Variants in BCAS3 observed in about 807,000 individuals in gnomAD.
BCAS3 encodes the protein BCAS3 microtubule associated cell migration factor, also known as BCAS4/BCAS3 fusion.
BCAS3 carries 53 observed loss-of-function variants against 116.1 expected under a neutral mutation model. That is an observed-to-expected ratio of 0.46 (90% CI 0.37 to 0.57). BCAS3 has a LOEUF of 0.57. BCAS3 is among the 20% of genes least tolerant of loss of function. The probability of loss-of-function intolerance (pLI) is 0.00; values close to 1 mark genes in which losing one functional copy is unlikely to be tolerated. For synonymous variants in BCAS3, 391 were observed against 408.2 expected (o/e 0.96, Z 0.51); for missense variants, 917 against 1,165.4 (o/e 0.79, Z 3.10).
intron 11 of BCAS3, among the ~76,000 whole-genome samples, chr17:60,903,876 G>A (rs1456520216): frequency 1.3e-5 from 2 of 152,120 alleles, no homozygotes; most frequent in Non-Finnish European, 2.9e-5. Context: ...AAAATACAAC[G>A]AGATCTTTTT....
intron 22 of BCAS3, among the ~76,000 whole-genome samples, chr17:61,191,518 G>A (rs1202143252): frequency 1.3e-5 from 2 of 152,200 alleles, no homozygotes; most frequent in African/African-American, 4.8e-5. Flanking sequence ...GCTCACGCCT[G>A]TAATCCCAGT....
At chr17:61,384,188 G>A (rs370615222) in intron 23 of BCAS3, among the ~76,000 whole-genome samples, 1 of 152,204 alleles carries the variant, frequency 6.6e-6, no homozygotes, top group East Asian at 1.9e-4. Context: ...CATGCCCCTC[G>A]GCACTGAGTC....
At chr17:61,022,400 C>G (rs919757455) in intron 16 of BCAS3, among the ~76,000 whole-genome samples, 1 of 152,152 alleles carries the variant, frequency 6.6e-6, no homozygotes, top group South Asian at 2.1e-4. Context: ...CCCGCCACCA[C>G]GCTTGGCTAA....
chr17:61,125,728 A>C (rs1289351770), intron 22 of BCAS3, among the ~76,000 whole-genome samples: 1 of 152,138 alleles, frequency 6.6e-6, no homozygotes, highest in African/African-American at 2.4e-5. Context: ...CAGATGTGGA[A>C]ATCTCTTAAT....
In BCAS3 at chr17:61,134,464, C is replaced by T. The variant is rs2076511913; in HGVS notation, c.2425+49900C>T. 2.6e-5 allele frequency among the ~76,000 whole-genome samples: 4 copies of T among 152,172 alleles called. No individual in the cohort carries two copies. ...CAGAGCCCTCGCTTTTTACACCAGC[C>T]TCTACTATCTCCCTGTGTGACTCTG... On this transcript the variant is annotated intron_variant, in intron 22 of 23. Transcript: ENST00000407086. This position sits in a 1 kb window ranked among gnomAD's most constrained non-coding sequence, Gnocchi z 4.6.
At chr17:60,689,797 ATTGT>A (rs763995597) in intron 4 of BCAS3, 36 bp downstream of exon 4, 13 of 1,448,192 alleles carry the variant, frequency 9.0e-6, no homozygotes, top group African/African-American at 8.4e-5. Flanking sequence ...GTGTGAATTA[ATTGT>A]TTGTTTGGAG....
Position 61,220,930 on chromosome 17 carries a change from C to A in BCAS3, c.2425+136366C>A, listed in dbSNP as rs560905875. ...CCTGGCCAACACGGTGAAACCCCAT[C>A]TCTACTAAAAATACAAAAAATTAGC... On this transcript the variant is annotated intron_variant, in intron 22 of 23. Transcript: ENST00000407086. This position sits in a 1 kb window ranked among gnomAD's most constrained non-coding sequence, Gnocchi z 4.5. Among the ~76,000 whole-genome samples the A allele has an allele frequency of 8.5e-5, 13 of 152,268 alleles. No homozygotes were observed. Among genetic ancestry groups the A allele is most frequent in the Admixed American group, 2.6e-4 (4 of 15,298 alleles).
intron 10 of BCAS3, among the ~76,000 whole-genome samples, chr17:60,893,875 C>A (rs1787473263): frequency 6.6e-6 from 1 of 151,992 alleles, no homozygotes; most frequent in African/African-American, 2.4e-5. Flanking sequence ...TCCCAAAGTG[C>A]TGGGATTGCA....
chr17:61,142,805 T>C (rs993495760), intron 22 of BCAS3, among the ~76,000 whole-genome samples: 9 of 152,178 alleles, frequency 5.9e-5, no homozygotes, highest in African/African-American at 1.9e-4. Flanking sequence ...GGTTGTATGA[T>C]GGATGCATGG....
chr17:61,373,804 CTTTGTTTTTT>C (rs1256559144), intron 23 of BCAS3, among the ~76,000 whole-genome samples: 1 of 76,084 alleles, frequency 1.3e-5, no homozygotes, highest in Non-Finnish European at 2.7e-5. Flanking sequence ...TCTTCTTCTT[CTTTGTTTTTT>C]TTTTTTTTTT....
intron 14 of BCAS3, among the ~76,000 whole-genome samples, chr17:60,969,552 G>A (rs2061841198): frequency 6.6e-6 from 1 of 152,080 alleles, no homozygotes; most frequent in African/African-American, 2.4e-5. Flanking sequence ...GCAACTTGTG[G>A]GACAATATCA....
intron 22 of BCAS3, among the ~76,000 whole-genome samples, chr17:61,154,614 T>C (rs1363671736): frequency 6.6e-6 from 1 of 152,024 alleles, no homozygotes; most frequent in Non-Finnish European, 1.5e-5. Context: ...TTTTTACTTT[T>C]TATTTTTTTC....
At position 61,315,822 on chromosome 17, in the gene BCAS3, C is replaced by T. The variant is rs2054686708; in HGVS notation, c.2426-52505C>T. ...ATGCCGCTGCGTCCCCTCCACGGCT[C>T]CCCTGCAGTAGCACACCTCTGCACA... On this transcript the variant is annotated intron_variant, in intron 22 of 23. Transcript: ENST00000407086. The surrounding 1 kb of genome is among the most constrained non-coding windows in gnomAD (Gnocchi z 5.3). Among the ~76,000 whole-genome samples the T allele has an allele frequency of 6.6e-6, 1 of 152,128 alleles. No homozygotes were observed. The highest frequency in any genetic ancestry group is 2.1e-4 in the South Asian group (1 of 4,828).
intron 22 of BCAS3, among the ~76,000 whole-genome samples, chr17:61,292,139 T>C (rs1038505503): frequency 1.3e-5 from 2 of 152,060 alleles, no homozygotes; most frequent in African/African-American, 4.8e-5. Context: ...GCTGCTGGGA[T>C]CATTTAGGAG....
Position 61,361,539 on chromosome 17 carries a change from G to A in BCAS3, c.2426-6788G>A, listed in dbSNP as rs975876701. ...TGGCTCATATAATTGGCCATCAGAT[G>A]TGTCCACAGGTATAATATATAATAT... On this transcript the variant is annotated intron_variant, in intron 22 of 23. Coordinates refer to ENST00000407086, the MANE Select transcript of BCAS3 (RefSeq NM_017679.5). The surrounding 1 kb of genome is among the most constrained non-coding windows in gnomAD (Gnocchi z 6.5). 1 of 151,922 alleles carries A rather than the reference G, an allele frequency of 6.6e-6. No individual in the cohort carries two copies. Among genetic ancestry groups the A allele is most frequent in the African/African-American group, 2.4e-5 (1 of 41,406 alleles). The allele number at this position is 151,922 out of a possible 1,614,324, so 9.4% of individuals were successfully genotyped here.
At chr17:60,784,114 G>GT (rs896451699) in intron 6 of BCAS3, among the ~76,000 whole-genome samples, 3 of 151,928 alleles carry the variant, frequency 2.0e-5, no homozygotes, top group African/African-American at 7.3e-5. Context: ...AGCATGTACT[G>GT]TATCTAAGTT....
chr17:60,920,921 C>G (rs1435329248), intron 12 of BCAS3, among the ~76,000 whole-genome samples: 1 of 145,124 alleles, frequency 6.9e-6, no homozygotes, highest in African/African-American at 2.6e-5. Context: ...ACAACAACAA[C>G]AGATACTGGT....
rs192889414 is a variant in BCAS3 at position 61,376,894 on chromosome 17, C to T, written c.2593+8400C>T. On this transcript the variant is annotated intron_variant, in intron 23 of 23. Coordinates refer to ENST00000407086, the MANE Select transcript of BCAS3 (RefSeq NM_017679.5). This position sits in a 1 kb window ranked among gnomAD's most constrained non-coding sequence, Gnocchi z 4.5. ...TCTCTTAATGACCTCATCAGTGGCC[C>T]AACGTGTTCTTTCTGTGGTTGGGGC... 6.6e-6 allele frequency among the ~76,000 whole-genome samples: 1 copy of T among 152,316 alleles called. No individual in the cohort carries two copies. The highest frequency in any genetic ancestry group is 1.9e-4 in the East Asian group (1 of 5,186).
In BCAS3 at chr17:61,247,960, T is replaced by C. The variant is rs180957745; in HGVS notation, c.2426-120367T>C. ...GCACTTGTGGTTACAACTTGCGGCA[T>C]TGAAAGGCTGTCACATTGGAACTTT... is the stretch of plus-strand genomic sequence containing the variant. On this transcript the variant is annotated intron_variant, in intron 22 of 23. Coordinates refer to ENST00000407086, the MANE Select transcript of BCAS3 (RefSeq NM_017679.5). Among the ~76,000 whole-genome samples the C allele has an allele frequency of 1.5e-4, 23 of 152,334 alleles. No homozygotes were observed. The East Asian group carries it at 4.2e-3, about 28-fold the overall frequency.
Sources: allele counts gnomAD v4.1 joint callset (sites outside exome capture counted in the v4.1 genomes callset), GRCh38; gene constraint gnomAD v4.1.1; non-coding constraint Gnocchi (gnomAD v3.1); transcripts MANE v1.5; gene names NCBI Gene and HGNC (gene_info 2026-07-23, HGNC 2026-07-21).